GLRB: variants seen among roughly 807,000 people sequenced by gnomAD.
The protein encoded by GLRB is glycine receptor beta.
In GLRB, 33 loss-of-function variants were observed where a neutral mutation model predicts 54.2. That is an observed-to-expected ratio of 0.61 (90% CI 0.46 to 0.81). The LOEUF (loss-of-function observed/expected upper bound fraction) is 0.81, where lower values mean the gene tolerates loss of function less well. GLRB is among the 40% of genes least tolerant of loss of function. GLRB has a pLI of 0.00. For missense variants in GLRB, 572 were observed against 584.6 expected (o/e 0.98, Z 0.22); for synonymous variants, 209 against 208.2 (o/e 1.00, Z -0.03).
chr4:157,079,441 A>G (rs1407320999), intron 2 of GLRB, among the ~76,000 whole-genome samples: 4 of 152,202 alleles, frequency 2.6e-5, no homozygotes, highest in African/African-American at 9.7e-5. Flanking sequence ...TTGTGAGAGT[A>G]AAATTCTGGA....
chr4:157,153,564 C>T (rs1184681258), intron 9 of GLRB, among the ~76,000 whole-genome samples: 1 of 152,148 alleles, frequency 6.6e-6, no homozygotes, highest in South Asian at 2.1e-4. Flanking sequence ...ATCTGTCCCT[C>T]CCAGCAGTGA....
chr4:157,164,026 G>T (rs557813533), intron 9 of GLRB, among the ~76,000 whole-genome samples: 44 of 152,076 alleles, frequency 2.9e-4, no homozygotes, highest in Middle Eastern at 3.4e-3. Context: ...TTTATCAATG[G>T]GCTACTCTTA....
intron 4 of GLRB, among the ~76,000 whole-genome samples, chr4:157,128,653 G>A (rs1736103972): frequency 6.6e-6 from 1 of 151,664 alleles, no homozygotes; most frequent in South Asian, 2.1e-4. Flanking sequence ...TAATAGAAAT[G>A]GACTATGAAC....
At chr4:157,155,119 T>C (rs1196612102) in intron 9 of GLRB, among the ~76,000 whole-genome samples, 1 of 152,182 alleles carries the variant, frequency 6.6e-6, no homozygotes, top group Non-Finnish European at 1.5e-5. Context: ...TTATTTTCTG[T>C]TTAGAGAATT....
intron 2 of GLRB, among the ~76,000 whole-genome samples, chr4:157,111,054 T>A: frequency 6.8e-6 from 1 of 147,194 alleles, no homozygotes; most frequent in Non-Finnish European, 1.5e-5. Flanking sequence ...TGATGAGTTC[T>A]GCACACTTGT....
At chr4:157,087,602 A>T (rs1372233561) in intron 2 of GLRB, among the ~76,000 whole-genome samples, 3 of 152,132 alleles carry the variant, frequency 2.0e-5, no homozygotes, top group Non-Finnish European at 4.4e-5. Context: ...AAAAGAATAC[A>T]CAAAATTCTA....
rs1247173023 is a variant in GLRB, at chr4:157,170,575, A to T, written c.1341A>T (p.Gly447=). The change falls in exon 10 of 10, where the codon GGA becomes GGT. Residue 447 remains glycine (G), a synonymous_variant. Coordinates refer to ENST00000264428, the MANE Select transcript of GLRB (RefSeq NM_000824.5). ...CYGKPIEVNN[G]LGKSQAKNNK... Reference sequence around the variant, plus strand: ...GAAAACCCATTGAAGTTAACAACGGACTTGGGAAATCTCAGGCTAAGAACA... The same window carrying T: ...GAAAACCCATTGAAGTTAACAACGGTCTTGGGAAATCTCAGGCTAAGAACA... The T allele has an allele frequency of 6.2e-7, 1 of 1,613,572 alleles. No individual in the cohort carries two copies. The highest frequency in any genetic ancestry group is 8.5e-7 in the Non-Finnish European group (1 of 1,179,622).
intron 4 of GLRB, among the ~76,000 whole-genome samples, chr4:157,133,517 G>C (rs2126559582): frequency 1.3e-5 from 2 of 151,976 alleles, no homozygotes; most frequent in Middle Eastern, 6.8e-3. Flanking sequence ...AGTTATGTTT[G>C]ACTGATGTTC....
rs1737923550 is a variant in GLRB at position 157,171,562 on chromosome 4, G to A, written c.*834G>A. On this transcript the variant is annotated 3_prime_UTR_variant, in exon 10 of 10. Transcript: ENST00000264428. ...AGTCATACATCTTTTAAATTGGAATGCAGTAATAGATATGTGATTTTACAT... is the reference window on the plus strand; with the variant it reads ...AGTCATACATCTTTTAAATTGGAATACAGTAATAGATATGTGATTTTACAT... 1 of 152,272 alleles carries A rather than the reference G, an allele frequency of 6.6e-6. No homozygotes were observed. 9.4% of individuals were successfully genotyped at this position (152,272 alleles called of 1,614,324 possible).
chr4:157,165,925 A>G (rs982105071), intron 9 of GLRB, among the ~76,000 whole-genome samples: 18 of 152,068 alleles, frequency 1.2e-4, no homozygotes, highest in Non-Finnish European at 2.1e-4. Flanking sequence ...TAAATTTAGC[A>G]AAATATATAC....
chr4:157,104,107 G>A (rs911954232), intron 2 of GLRB, among the ~76,000 whole-genome samples: 1 of 152,076 alleles, frequency 6.6e-6, no homozygotes, highest in Non-Finnish European at 1.5e-5. Flanking sequence ...GAAGTGGCAA[G>A]AATGGGCATC....
rs367584176 is a variant in GLRB at position 157,170,762 on chromosome 4, A to T, written c.*34A>T. 2 of 1,255,108 alleles carry T rather than the reference A, an allele frequency of 1.6e-6. No individual in the cohort carries two copies. The highest frequency in any genetic ancestry group is 4.7e-5 in the Admixed American group (2 of 42,360). 77.7% of individuals were successfully genotyped at this position (1,255,108 alleles called of 1,614,324 possible). ...TTCCATTTGTACAAAATAAAATTCC[A>T]TTTCATTGTGACCTACTCCTTTCAT... is the stretch of plus-strand genomic sequence containing the variant. On this transcript the variant is annotated 3_prime_UTR_variant, in exon 10 of 10. Coordinates refer to ENST00000264428, the MANE Select transcript of GLRB (RefSeq NM_000824.5).
rs1423101445 is a variant in GLRB, at chr4:157,120,623, T to C, written c.190T>C (p.Leu64=). 1 of 1,598,500 alleles carries C rather than the reference T, an allele frequency of 6.3e-7. No individual in the cohort carries two copies. Among genetic ancestry groups the C allele is most frequent in the African/African-American group, 1.3e-5 (1 of 74,278 alleles). The part of the protein sequence containing the change: ...NSTSNILNRL[L]VSYDPRIRPN... ...CACTAGCAATATCTTGAACAGGTTA[T>C]TGGTCAGTTATGATCCCAGGATAAG... The change falls in exon 3 of 10, where the codon TTG becomes CTG. Residue 64 remains leucine (L), a synonymous_variant. Coordinates refer to ENST00000264428, the MANE Select transcript of GLRB (RefSeq NM_000824.5).
At chr4:157,162,906 T>A (rs1442705923) in intron 9 of GLRB, among the ~76,000 whole-genome samples, 3 of 152,182 alleles carry the variant, frequency 2.0e-5, no homozygotes, top group African/African-American at 7.2e-5. Context: ...TTGTGCTGCC[T>A]TTTGTTCAAC....
chr4:157,099,622 C>A (rs1463006850), intron 2 of GLRB, among the ~76,000 whole-genome samples: 3 of 152,138 alleles, frequency 2.0e-5, no homozygotes, highest in African/African-American at 7.2e-5. Context: ...AGATGTGAGC[C>A]ACTTTGCCCA....
At chr4:157,104,224 C>A (rs1735140616) in intron 2 of GLRB, among the ~76,000 whole-genome samples, 2 of 151,958 alleles carry the variant, frequency 1.3e-5, no homozygotes, top group Admixed American at 1.3e-4. Flanking sequence ...AAGTAATTTC[C>A]TTCTATTCCT....
chr4:157,112,624 AG>A (rs1161141011), intron 2 of GLRB, among the ~76,000 whole-genome samples: 1 of 151,966 alleles, frequency 6.6e-6, no homozygotes, highest in Non-Finnish European at 1.5e-5. Context: ...GCTTAAACAC[AG>A]GAACAGTGGG....
At chr4:157,103,917 A>C (rs1038574929) in intron 2 of GLRB, among the ~76,000 whole-genome samples, 4 of 151,108 alleles carry the variant, frequency 2.6e-5, no homozygotes, top group Non-Finnish European at 3.0e-5. Context: ...TTTGTTTATC[A>C]GTTTTAACTG....
At chr4:157,142,749 C>T (rs1736663265) in intron 7 of GLRB, among the ~76,000 whole-genome samples, 1 of 152,022 alleles carries the variant, frequency 6.6e-6, no homozygotes, top group Non-Finnish European at 1.5e-5. Context: ...ATTTGTTTCA[C>T]CATTTTAAAA....
Sources: allele counts gnomAD v4.1 joint callset (sites outside exome capture counted in the v4.1 genomes callset), GRCh38; gene constraint gnomAD v4.1.1; transcripts MANE v1.5; gene names NCBI Gene and HGNC (gene_info 2026-07-23, HGNC 2026-07-21).